The following KHDRBS2 variants were observed in gnomAD, a reference collection of about 807,000 sequenced individuals.
KHDRBS2 encodes KH domain-containing, RNA-binding, signal transduction-associated protein 2.
A neutral mutation model predicts 44.3 loss-of-function variants in KHDRBS2; 26 were observed. The observed-to-expected ratio is 0.59, with a 90% CI of 0.43 to 0.81. KHDRBS2 has a LOEUF of 0.81. Among genes scored for constraint, KHDRBS2 ranks in the 40% least tolerant of loss-of-function variants. The pLI is 0.00. For missense variants in KHDRBS2, 476 were observed against 433.1 expected, an observed-to-expected ratio of 1.10 and a Z score of -0.88; for synonymous variants, 194 against 151.1, an observed-to-expected ratio of 1.28 and a Z score of -2.08.
intron 3 of KHDRBS2, among the ~76,000 whole-genome samples, chr6:62,036,121 C>G (rs1785233086): frequency 6.6e-6 from 1 of 151,938 alleles, no homozygotes; most frequent in Non-Finnish European, 1.5e-5. Context: ...TCTAGTTTCT[C>G]TGCTTGTACC....
intron 5 of KHDRBS2, 124 bp from the exon 6 acceptor site, chr6:61,894,957 C>CTCTG (rs1260354208): frequency 3.5e-5 from 19 of 539,510 alleles, no homozygotes; most frequent in Middle Eastern, 4.8e-4. Flanking sequence ...CTCTCTCTCT[C>CTCTG]TGTGTGTGTG....
intron 2 of KHDRBS2, among the ~76,000 whole-genome samples, chr6:62,091,181 C>G (rs1240036767): frequency 6.6e-6 from 1 of 152,146 alleles, no homozygotes; most frequent in Non-Finnish European, 1.5e-5. Flanking sequence ...CTGGACAGTA[C>G]TCTTAAATTA....
intron 7 of KHDRBS2, among the ~76,000 whole-genome samples, chr6:61,729,064 C>T (rs1047698946): frequency 3.9e-5 from 6 of 151,980 alleles, no homozygotes; most frequent in South Asian, 4.1e-4. Context: ...ATAGCAAAGA[C>T]GTGGAATCAA....
At chr6:61,637,720 G>A in the KHDRBS2 span, among the ~76,000 whole-genome samples, 2 of 151,968 alleles carry the variant, frequency 1.3e-5, no homozygotes, top group Non-Finnish European at 2.9e-5. Flanking sequence ...TTTAATGATC[G>A]CCATTCTAAC....
chr6:62,012,849 C>T (rs1461487478), intron 3 of KHDRBS2, among the ~76,000 whole-genome samples: 15 of 152,152 alleles, frequency 9.9e-5, no homozygotes, highest in African/African-American at 3.6e-4. Flanking sequence ...GAGGCATTTT[C>T]CTGTTTGCTT....
chr6:61,919,365 G>A (rs1166636858), intron 4 of KHDRBS2, among the ~76,000 whole-genome samples: 1 of 151,760 alleles, frequency 6.6e-6, no homozygotes. Context: ...AGAAAAATGG[G>A]GTTGAGTAGC....
chr6:62,115,492 T>C (rs184085030), intron 2 of KHDRBS2, among the ~76,000 whole-genome samples: 25 of 152,300 alleles, frequency 1.6e-4, no homozygotes, highest in African/African-American at 5.3e-4. Context: ...AATGCCAAGC[T>C]CTTAATCACC....
intron 2 of KHDRBS2, among the ~76,000 whole-genome samples, chr6:62,151,144 C>T (rs909252258): frequency 3.9e-5 from 6 of 152,190 alleles, no homozygotes; most frequent in African/African-American, 9.7e-5. Context: ...CTATCGATCA[C>T]ATACTATTGA....
intron 7 of KHDRBS2, among the ~76,000 whole-genome samples, chr6:61,727,368 A>C (rs564002886): frequency 6.6e-6 from 1 of 152,302 alleles, no homozygotes; most frequent in South Asian, 2.1e-4. Context: ...ACATAGACAC[A>C]GGCAAAGATT....
chr6:61,746,046 T>C (rs1361173063), intron 6 of KHDRBS2, among the ~76,000 whole-genome samples: 1 of 122,428 alleles, frequency 8.2e-6, no homozygotes, highest in African/African-American at 3.1e-5. Context: ...TATTTTATTT[T>C]AGTTTAGTTT....
chr6:62,029,226 G>A (rs191910292), intron 3 of KHDRBS2, among the ~76,000 whole-genome samples: 42 of 151,900 alleles, frequency 2.8e-4, no homozygotes, highest in African/African-American at 8.9e-4. Context: ...ATGGCAAAAT[G>A]TTAGTAACAG....
chr6:61,952,554 A>G (rs1354343981), intron 4 of KHDRBS2, among the ~76,000 whole-genome samples: 2 of 152,064 alleles, frequency 1.3e-5, no homozygotes, highest in African/African-American at 4.8e-5. Context: ...AATCATTTTC[A>G]ATGGCCAAAA....
At chr6:62,051,170 A>G (rs190350879) in intron 2 of KHDRBS2, among the ~76,000 whole-genome samples, 6 of 152,206 alleles carry the variant, frequency 3.9e-5, no homozygotes, top group Admixed American at 1.3e-4. Context: ...GAAATGCTCT[A>G]TATTTGTTGG....
chr6:61,732,713 A>G lies in KHDRBS2; in HGVS notation c.862T>C (p.Tyr288His), dbSNP rs1486701265. The G allele has an allele frequency of 1.9e-6, 3 of 1,612,172 alleles. No individual in the cohort carries two copies. Among genetic ancestry groups the G allele is most frequent in the Middle Eastern group, 1.7e-4 (1 of 6,056 alleles). ...GTTTGGGTCGCATAGCTGTTATCAT[A>G]AGTCTCATAGGTCTGGTCATCATAT... ...GEYDDQTYET[Y>H]DNSYATQTQS... is the part of the protein sequence containing the mutation. The change falls in exon 7 of 9, where the codon TAT becomes CAT. Residue 288 changes from tyrosine (Y) to histidine (H), a missense_variant. Physicochemically the swap from Tyr to His is moderately conservative, Grantham distance 83. Transcript: ENST00000281156.
At chr6:62,019,837 T>C (rs1446385721) in intron 3 of KHDRBS2, among the ~76,000 whole-genome samples, 2 of 151,948 alleles carry the variant, frequency 1.3e-5, no homozygotes, top group Non-Finnish European at 2.9e-5. Context: ...TCTTGATTAA[T>C]CTAGCTGCAG....
At chr6:62,040,875 C>G (rs1786336009) in intron 3 of KHDRBS2, among the ~76,000 whole-genome samples, 1 of 152,056 alleles carries the variant, frequency 6.6e-6, no homozygotes, top group Non-Finnish European at 1.5e-5. Flanking sequence ...TATCCAGATT[C>G]AAGGGGAAGA....
Position 62,003,145 on chromosome 6 carries a change from C to T in KHDRBS2, c.337-24933G>A, listed in dbSNP as rs73485387. On this transcript the variant is annotated intron_variant, in intron 3 of 8. Coordinates refer to ENST00000281156, the MANE Select transcript of KHDRBS2 (RefSeq NM_152688.4). Reference sequence around the variant, plus strand: ...CAATATTCCTTATCTTTCTTAATAACACTGTCTCCAAGTCATGGGTTTCTA... The same window carrying T: ...CAATATTCCTTATCTTTCTTAATAATACTGTCTCCAAGTCATGGGTTTCTA... 8.0e-3 allele frequency among the ~76,000 whole-genome samples: 1,223 copies of T among 151,930 alleles called. 16 individuals are homozygous for T. The highest frequency in any genetic ancestry group is 0.029 in the African/African-American group (1,183 of 41,464).
At chr6:61,606,710 A>G in the KHDRBS2 span, among the ~76,000 whole-genome samples, 1 of 152,176 alleles carries the variant, frequency 6.6e-6, no homozygotes, top group Admixed American at 6.5e-5. Flanking sequence ...CTCAGAAAGA[A>G]TAGTTGGAAG....
At chr6:61,989,785 C>G (rs1167959537) in intron 3 of KHDRBS2, among the ~76,000 whole-genome samples, 1 of 152,170 alleles carries the variant, frequency 6.6e-6, no homozygotes, top group Non-Finnish European at 1.5e-5. Flanking sequence ...CTCATATCCC[C>G]CTGCCCTACT....
Sources: allele counts gnomAD v4.1 joint callset (sites outside exome capture counted in the v4.1 genomes callset), GRCh38; gene constraint gnomAD v4.1.1; transcripts MANE v1.5; gene names NCBI Gene and HGNC (gene_info 2026-07-23, HGNC 2026-07-21).